The following THSD7A variants were observed in gnomAD, a reference collection of about 807,000 sequenced individuals.
The protein encoded by THSD7A is thrombospondin type-1 domain-containing protein 7A.
In THSD7A, 96 loss-of-function variants were observed where a neutral mutation model predicts 231.3. The observed-to-expected ratio is 0.41, with a 90% confidence interval of 0.35 to 0.49. The LOEUF (loss-of-function observed/expected upper bound fraction) is 0.49. Among genes scored for constraint, THSD7A ranks in the 20% least tolerant of loss-of-function variants. THSD7A has a pLI of 0.05. For missense variants in THSD7A, 2,290 were observed against 2,070.2 expected (o/e 1.11, Z -2.06); for synonymous variants, 940 against 743.3 (o/e 1.26, Z -4.30).
intron 4 of THSD7A, among the ~76,000 whole-genome samples, chr7:11,554,654 T>C (rs1272503961): frequency 2.6e-5 from 4 of 151,998 alleles, no homozygotes; most frequent in Non-Finnish European, 5.9e-5. Context: ...GTCTTATATT[T>C]TAATTATTTT....
At chr7:11,398,176 C>T (rs1018584140) in intron 23 of THSD7A, among the ~76,000 whole-genome samples, 1 of 151,734 alleles carries the variant, frequency 6.6e-6, no homozygotes, top group Non-Finnish European at 1.5e-5. Flanking sequence ...GAAAATGTGG[C>T]ACGTATACAC....
At position 11,474,519 on chromosome 7, in the gene THSD7A, A is replaced by G. The variant is rs754799717; in HGVS notation, c.2067T>C (p.Cys689=). ...GGTACACTGTGCAAGGATGCTCATT[A>G]CAGCTTCGTACTTCTTGCAAAGCAC... ...NSSALQEVRS[C]NEHPCTVYHW... The change falls in exon 8 of 28, where the codon TGT becomes TGC. Residue 689 remains cysteine (C), a synonymous_variant. Coordinates refer to ENST00000423059, the MANE Select transcript of THSD7A (RefSeq NM_015204.3). The surrounding 1 kb of genome is among the most constrained non-coding windows in gnomAD (Gnocchi z 4.1). The G allele has an allele frequency of 1.2e-6, 2 of 1,610,196 alleles. No individual in the cohort carries two copies. Among genetic ancestry groups the G allele is most frequent in the East Asian group, 4.5e-5 (2 of 44,702 alleles).
chr7:11,462,045 C>T lies in THSD7A; in HGVS notation c.2467G>A (p.Ala823Thr), dbSNP rs752069367. 6.2e-7 allele frequency: 1 copy of T among 1,613,786 alleles called. No individual in the cohort carries two copies. The highest frequency in any genetic ancestry group is 1.3e-5 in the African/African-American group (1 of 75,048). ...TGGCACGCTTGAGGTGCCTCACAGG[C>T]CTTCTCTTCATAGAGGGGATCTGTG... Reference protein sequence around the residue: ...DCTDPLYEEKACEAPQACQSY... With the variant: ...DCTDPLYEEKTCEAPQACQSY... The change falls in exon 10 of 28, where the codon GCC (alanine) becomes ACC (threonine). Residue 823 changes from alanine (A) to threonine (T), a missense_variant. By Grantham distance (58) the Ala-to-Thr change is moderately conservative (BLOSUM62 0). Transcript: ENST00000423059.
At chr7:11,602,293 C>G (rs1204005900) in intron 2 of THSD7A, among the ~76,000 whole-genome samples, 1 of 151,814 alleles carries the variant, frequency 6.6e-6, no homozygotes, top group East Asian at 1.9e-4. Context: ...TATGTGTGTG[C>G]ATATATGTGT....
intron 1 of THSD7A, among the ~76,000 whole-genome samples, chr7:11,762,970 CA>C (rs1418960154): frequency 3.3e-5 from 5 of 152,100 alleles, no homozygotes; most frequent in African/African-American, 1.2e-4. Context: ...CATATGGAAC[CA>C]ATAAAAGAGC....
chr7:11,436,334 G>A (rs1343446186), intron 13 of THSD7A, among the ~76,000 whole-genome samples: 4 of 152,026 alleles, frequency 2.6e-5, no homozygotes, highest in Non-Finnish European at 5.9e-5. Flanking sequence ...ATCTAATATT[G>A]CCATGAAAGT....
chr7:11,811,063 G>T (rs1784516072), intron 1 of THSD7A, among the ~76,000 whole-genome samples: 1 of 152,072 alleles, frequency 6.6e-6, no homozygotes, highest in Admixed American at 6.5e-5. Flanking sequence ...ACAATAAGCT[G>T]CAGATTAAAT....
chr7:11,555,574 T>G (rs1247416712), intron 4 of THSD7A, among the ~76,000 whole-genome samples: 1 of 151,896 alleles, frequency 6.6e-6, no homozygotes, highest in Non-Finnish European at 1.5e-5. Flanking sequence ...CTTTTAGATT[T>G]TATTGGTTGA....
At position 11,444,868 on chromosome 7, in the gene THSD7A, TTA is replaced by T. The variant is rs1784916013; in HGVS notation, c.3064+1191_3064+1192del. Among the ~76,000 whole-genome samples, 1 of 147,508 alleles carries T rather than the reference TTA, an allele frequency of 6.8e-6. No individual in the cohort carries two copies. Among genetic ancestry groups the T allele is most frequent in the South Asian group, 2.1e-4 (1 of 4,776 alleles). Reference sequence around the variant, plus strand: ...TTAAACTATATATATAAAACTATCATTATATATAACTATTTTATATATATATA... The same window carrying T: ...TTAAACTATATATATAAAACTATCATTATATAACTATTTTATATATATATA... On this transcript the variant is annotated intron_variant, in intron 13 of 27. Transcript: ENST00000423059. The surrounding 1 kb of genome is among the most constrained non-coding windows in gnomAD (Gnocchi z 4.2).
At chr7:11,485,077 G>A (rs10241625) in intron 6 of THSD7A, among the ~76,000 whole-genome samples, 1 of 151,426 alleles carries the variant, frequency 6.6e-6, no homozygotes, top group African/African-American at 2.4e-5. Context: ...TTTTAGCAGA[G>A]AAGGGGTTTC....
chr7:11,751,933 G>A (rs1447684158), intron 1 of THSD7A, among the ~76,000 whole-genome samples: 6 of 152,054 alleles, frequency 3.9e-5, no homozygotes, highest in Admixed American at 3.3e-4. Context: ...TCATGTCAGG[G>A]TAACCACTTG....
At chr7:11,711,731 C>A (rs146510950) in intron 1 of THSD7A, among the ~76,000 whole-genome samples, 1 of 151,120 alleles carries the variant, frequency 6.6e-6, no homozygotes, top group East Asian at 2.0e-4. Context: ...AAAACACACA[C>A]CTCAGTTGTA....
chr7:11,691,293 A>C (rs1780222492), intron 1 of THSD7A, among the ~76,000 whole-genome samples: 1 of 151,562 alleles, frequency 6.6e-6, no homozygotes, highest in Admixed American at 6.6e-5. Flanking sequence ...AAGAAAGTGC[A>C]TGGTAATAGG....
chr7:11,572,022 T>C (rs1790657431), intron 4 of THSD7A, among the ~76,000 whole-genome samples: 2 of 152,308 alleles, frequency 1.3e-5, no homozygotes, highest in South Asian at 4.1e-4. Flanking sequence ...CTTCTTTCTC[T>C]GGAATATCAT....
At position 11,675,416 on chromosome 7, in the gene THSD7A, C is replaced by T. The variant is rs146911829; in HGVS notation, c.191-38455G>A. Among the ~76,000 whole-genome samples, 563 of 152,176 alleles carry T rather than the reference C, an allele frequency of 3.7e-3. 3 individuals are homozygous for T. The highest frequency in any genetic ancestry group is 0.013 in the African/African-American group (537 of 41,524). ...CACCTGGAATGCTAGCGAGACAGAA[C>T]GGTTCACTCCCCTGGAAAGAGGGCT... On this transcript the variant is annotated intron_variant, in intron 1 of 27. Transcript: ENST00000423059.
intron 23 of THSD7A, among the ~76,000 whole-genome samples, chr7:11,393,634 T>C (rs1783070117): frequency 6.6e-6 from 1 of 152,104 alleles, no homozygotes; most frequent in South Asian, 2.1e-4. Flanking sequence ...GTTAGATGAA[T>C]TGCTAACAAG....
chr7:11,466,490 A>G (rs1009358801), intron 9 of THSD7A, among the ~76,000 whole-genome samples: 1 of 152,184 alleles, frequency 6.6e-6, no homozygotes, highest in African/African-American at 2.4e-5. Context: ...CTTCTAGAGC[A>G]CAAAGCATCT....
chr7:11,641,500 A>G (rs1171961458), intron 1 of THSD7A, among the ~76,000 whole-genome samples: 2 of 152,142 alleles, frequency 1.3e-5, no homozygotes, highest in African/African-American at 4.8e-5. Flanking sequence ...CATATGTTAT[A>G]AATATAAATA....
intron 2 of THSD7A, among the ~76,000 whole-genome samples, chr7:11,612,693 C>T (rs1780975472): frequency 6.6e-6 from 1 of 152,068 alleles, no homozygotes; most frequent in South Asian, 2.1e-4. Context: ...ACATGACAAT[C>T]GTAATTTATA....
Sources: allele counts gnomAD v4.1 joint callset (sites outside exome capture counted in the v4.1 genomes callset), GRCh38; gene constraint gnomAD v4.1.1; non-coding constraint Gnocchi (gnomAD v3.1); transcripts MANE v1.5; gene names NCBI Gene and HGNC (gene_info 2026-07-23, HGNC 2026-07-21).